The following CSMD1 variants were observed in gnomAD, a reference collection of about 807,000 sequenced individuals.
CSMD1 encodes CUB and Sushi multiple domains 1.
In CSMD1, 213 loss-of-function variants were observed where a neutral mutation model predicts 417.5. The ratio of observed to expected loss-of-function variants is 0.51; its 90% CI spans 0.46 to 0.57. CSMD1 has a LOEUF of 0.57. CSMD1 is among the 20% of genes least tolerant of loss of function. The pLI, the probability that CSMD1 is intolerant of heterozygous loss-of-function variation, is 0.00. For missense variants in CSMD1, 6,923 were observed against 4,529.7 expected (o/e 1.53, Z -15.17); for synonymous variants, 2,862 against 1,736.8 (o/e 1.65, Z -16.11).
At position 4,721,095 on chromosome 8, in the gene CSMD1, G is replaced by A. The variant is rs144216406; in HGVS notation, c.86-83537C>T. Among the ~76,000 whole-genome samples the A allele has an allele frequency of 7.9e-5, 12 of 152,292 alleles. No homozygotes were observed. The East Asian group carries it at 2.3e-3, about 29-fold the overall frequency. On this transcript the variant is annotated intron_variant, in intron 1 of 69. Coordinates refer to ENST00000635120, the MANE Select transcript of CSMD1 (RefSeq NM_033225.6). ...GAGTAACATGAGGGTTAAGGAGGAA[G>A]TATGAAAAAGGCTTTGGAAACTTAC... is the stretch of plus-strand genomic sequence containing the variant.
chr8:3,809,585 T>C (rs933702053), intron 5 of CSMD1, among the ~76,000 whole-genome samples: 1 of 152,096 alleles, frequency 6.6e-6, no homozygotes. Flanking sequence ...AAAGTGTAGA[T>C]AGTTGGCCCC....
At chr8:3,590,159 C>A (rs1485206330) in intron 8 of CSMD1, among the ~76,000 whole-genome samples, 2 of 151,982 alleles carry the variant, frequency 1.3e-5, no homozygotes, top group Admixed American at 1.3e-4. Flanking sequence ...ATTGTATGTA[C>A]TGAAAATAAC....
At chr8:3,535,026 T>C (rs1001604550) in intron 10 of CSMD1, among the ~76,000 whole-genome samples, 3 of 152,172 alleles carry the variant, frequency 2.0e-5, no homozygotes, top group South Asian at 4.1e-4. Context: ...GAACTCACCG[T>C]AGCATTCAAC....
chr8:4,893,736 C>T (rs1804284640), intron 1 of CSMD1, among the ~76,000 whole-genome samples: 1 of 152,110 alleles, frequency 6.6e-6, no homozygotes, highest in Non-Finnish European at 1.5e-5. Flanking sequence ...TTCTGGACTA[C>T]TTGCTTTGTT....
chr8:4,909,666 C>A (rs1459185942), intron 1 of CSMD1, among the ~76,000 whole-genome samples: 1 of 152,136 alleles, frequency 6.6e-6, no homozygotes, highest in Non-Finnish European at 1.5e-5. Flanking sequence ...CCTAAGACTG[C>A]ACACCCCCGG....
At chr8:4,818,081 G>A (rs923479674) in intron 1 of CSMD1, among the ~76,000 whole-genome samples, 1 of 152,172 alleles carries the variant, frequency 6.6e-6, no homozygotes, top group African/African-American at 2.4e-5. Context: ...TCAGGAGGAT[G>A]CATTGAACTG....
chr8:3,799,781 A>G (rs73658275), intron 5 of CSMD1, among the ~76,000 whole-genome samples: 9 of 152,214 alleles, frequency 5.9e-5, no homozygotes, highest in Admixed American at 1.3e-4. Flanking sequence ...TCCAATTTTC[A>G]TATCTATGAA....
intron 23 of CSMD1, among the ~76,000 whole-genome samples, chr8:3,337,618 C>T (rs984296107): frequency 2.6e-5 from 4 of 152,090 alleles, no homozygotes; most frequent in East Asian, 1.9e-4. Context: ...ACAAAACCAG[C>T]GCCTGGACAG....
At chr8:4,378,590 C>G (rs936064203) in intron 3 of CSMD1, among the ~76,000 whole-genome samples, 1 of 152,084 alleles carries the variant, frequency 6.6e-6, no homozygotes, top group Non-Finnish European at 1.5e-5. Context: ...TTTCAAATAC[C>G]TTGAGTCAAA....
intron 11 of CSMD1, among the ~76,000 whole-genome samples, chr8:3,473,528 A>T (rs1046136717): frequency 2.0e-5 from 3 of 152,170 alleles, no homozygotes; most frequent in African/African-American, 7.2e-5. Flanking sequence ...GCTAACACTG[A>T]GATATTATTT....
chr8:4,792,780 C>T (rs1797759683), intron 1 of CSMD1, among the ~76,000 whole-genome samples: 1 of 152,102 alleles, frequency 6.6e-6, no homozygotes, highest in Admixed American at 6.6e-5. Flanking sequence ...CACTCAGTAC[C>T]ATGCGTTCCA....
chr8:3,862,564 A>G (rs1804789997), intron 5 of CSMD1, among the ~76,000 whole-genome samples: 1 of 152,204 alleles, frequency 6.6e-6, no homozygotes, highest in Non-Finnish European at 1.5e-5. Context: ...AGCACCTGTA[A>G]TTATGGTATA....
At chr8:4,153,778 G>A (rs1415833472) in intron 3 of CSMD1, among the ~76,000 whole-genome samples, 2 of 152,176 alleles carry the variant, frequency 1.3e-5, no homozygotes, top group East Asian at 3.9e-4. Context: ...CCCTTTGTCA[G>A]GGGAAACACA....
In CSMD1 at chr8:4,197,383, GT is replaced by G. The variant is rs751280662; in HGVS notation, c.416-165285del. 5.3e-5 allele frequency among the ~76,000 whole-genome samples: 8 copies of G among 152,306 alleles called. 1 individual carries two copies. The South Asian group carries it at 1.2e-3, about 24-fold the overall frequency. On this transcript the variant is annotated intron_variant, in intron 3 of 69. Coordinates refer to ENST00000635120, the MANE Select transcript of CSMD1 (RefSeq NM_033225.6). ...TTATTGTGGGTGTGTCTGTGGTGGT[GT>G]TTTTACATAAGATGAACATTTCATT...
At chr8:3,600,350 G>A (rs571464287) in intron 8 of CSMD1, among the ~76,000 whole-genome samples, 23 of 152,250 alleles carry the variant, frequency 1.5e-4, no homozygotes, top group Admixed American at 7.9e-4. Flanking sequence ...ATTACCTTTA[G>A]ATCCTAGTTA....
intron 2 of CSMD1, among the ~76,000 whole-genome samples, chr8:4,449,375 G>T (rs750664249): frequency 7.2e-5 from 11 of 152,068 alleles, no homozygotes; most frequent in South Asian, 2.1e-4. Flanking sequence ...GAATGATTCT[G>T]GTGTATAACA....
chr8:3,264,658 C>G (rs536122019), intron 26 of CSMD1, among the ~76,000 whole-genome samples: 1 of 152,240 alleles, frequency 6.6e-6, no homozygotes, highest in East Asian at 1.9e-4. Context: ...GGGAAGTACT[C>G]ATCAAAACTG....
intron 5 of CSMD1, among the ~76,000 whole-genome samples, chr8:3,985,449 G>C (rs531747210): frequency 1.3e-5 from 2 of 152,046 alleles, no homozygotes; most frequent in African/African-American, 4.8e-5. Context: ...ACACCTGGGC[G>C]TGCACACTCA....
At chr8:4,432,320 G>A (rs1266590910) in intron 2 of CSMD1, among the ~76,000 whole-genome samples, 4 of 152,142 alleles carry the variant, frequency 2.6e-5, no homozygotes, top group Non-Finnish European at 5.9e-5. Flanking sequence ...GGCAGCTTAA[G>A]TAACTTACTC....
Sources: gnomAD v4.1 joint callset for allele counts (sites outside exome capture counted in the v4.1 genomes callset) on GRCh38, gnomAD v4.1.1 for gene constraint, MANE v1.5 for transcripts, NCBI Gene and HGNC (gene_info 2026-07-23, HGNC 2026-07-21) for gene names.